Variants in DNAJC11 observed in about 807,000 individuals in gnomAD.
DNAJC11 encodes DnaJ heat shock protein family (Hsp40) member C11, also known as dnaJ homolog subfamily C member 11.
DNAJC11 carries 15 observed loss-of-function variants against 78.6 expected under a neutral mutation model. That is an observed-to-expected ratio of 0.19 (90% CI 0.13 to 0.29). The LOEUF (loss-of-function observed/expected upper bound fraction) is 0.29. Ranked by LOEUF, DNAJC11 falls within the 10% of genes least tolerant of loss-of-function variation. DNAJC11 has a pLI of 1.00. For synonymous variants in DNAJC11, 292 were observed against 272.1 expected (o/e 1.07, Z -0.72); for missense variants, 547 against 709.6 (o/e 0.77, Z 2.60).
chr1:6,688,417 C>G (rs940446037), intron 1 of DNAJC11, among the ~76,000 whole-genome samples: 4 of 152,176 alleles, frequency 2.6e-5, no homozygotes, highest in African/African-American at 9.7e-5. Flanking sequence ...TTAGCAAATA[C>G]TTATCCCTTC....
intron 3 of DNAJC11, among the ~76,000 whole-genome samples, chr1:6,672,411 TTTTA>T (rs375870352): frequency 4.6e-5 from 7 of 152,228 alleles, no homozygotes; most frequent in African/African-American, 1.7e-4. Context: ...TTTTCAGGAA[TTTTA>T]GCTGTTTCAT....
intron 7 of DNAJC11, among the ~76,000 whole-genome samples, chr1:6,650,632 G>C (rs1642039988): frequency 6.6e-6 from 1 of 152,132 alleles, no homozygotes. Flanking sequence ...TCACCACTTT[G>C]GGAGGCCGAG....
chr1:6,636,378 GA>G, intron 14 of DNAJC11, 132 bp from the exon 15 acceptor site: 1 of 1,340,406 alleles, frequency 7.5e-7, no homozygotes, highest in Non-Finnish European at 1.0e-6. Context: ...GGGGCATGAA[GA>G]AAAAGAAACA....
intron 3 of DNAJC11, among the ~76,000 whole-genome samples, chr1:6,673,683 G>T (rs1642417298): frequency 6.6e-6 from 1 of 152,112 alleles, no homozygotes; most frequent in Non-Finnish European, 1.5e-5. Context: ...TAAACCTAGG[G>T]TTCAGATTTC....
At chr1:6,662,041 T>A (rs1425879674) in intron 4 of DNAJC11, among the ~76,000 whole-genome samples, 1 of 151,666 alleles carries the variant, frequency 6.6e-6, no homozygotes, top group Non-Finnish European at 1.5e-5. Context: ...AACCTCCACC[T>A]CCAGGGCTCA....
At chr1:6,681,191 A>G (rs138818985) in intron 1 of DNAJC11, among the ~76,000 whole-genome samples, 154 bp from the exon 2 acceptor site, 89 of 152,324 alleles carry the variant, frequency 5.8e-4, no homozygotes, top group Middle Eastern at 3.4e-3. Flanking sequence ...TCACCTCAAC[A>G]AGGCTTCTTT....
chr1:6,635,708 G>A lies in DNAJC11; in HGVS notation c.1655-8C>T, dbSNP rs369679395. ...CTGTATCGATCCTGTGGGCTGTAAAGGAAAAGACAGACGCAGGTGATCAGA... is the reference window on the plus strand; with the variant it reads ...CTGTATCGATCCTGTGGGCTGTAAAAGAAAAGACAGACGCAGGTGATCAGA... On this transcript the variant is annotated splice_region_variant and splice_polypyrimidine_tract_variant and intron_variant, in intron 15 of 15. Coordinates refer to ENST00000377577, the MANE Select transcript of DNAJC11 (RefSeq NM_018198.4). 8.1e-6 allele frequency: 13 copies of A among 1,614,048 alleles called. No individual in the cohort carries two copies. The African/African-American group carries it at 1.6e-4, about 20-fold the overall frequency.
At position 6,635,068 on chromosome 1, in the gene DNAJC11, G is replaced by A. The variant is rs1047100207; in HGVS notation, c.*607C>T. 1.2e-4 allele frequency: 27 copies of A among 232,266 alleles called. 1 individual carries two copies. In the Admixed American group the frequency reaches 1.2e-3, roughly 11 times the overall value. The allele number at this position is 232,266 out of a possible 1,614,324, so 14.4% of individuals were successfully genotyped here. On this transcript the variant is annotated 3_prime_UTR_variant, in exon 16 of 16. Coordinates refer to ENST00000377577, the MANE Select transcript of DNAJC11 (RefSeq NM_018198.4). Reference sequence around the variant, plus strand: ...CGAGGGGGCCGGTGGAATGACTTGAGCAGCTCTGGGAGTGGGGAAAAAAGA... The same window carrying A: ...CGAGGGGGCCGGTGGAATGACTTGAACAGCTCTGGGAGTGGGGAAAAAAGA...
intron 1 of DNAJC11, among the ~76,000 whole-genome samples, chr1:6,697,809 AT>A (rs60554870): frequency 1.8e-4 from 26 of 148,562 alleles, no homozygotes; most frequent in South Asian, 6.4e-4. Flanking sequence ...TATGCTTATA[AT>A]TTTTTTTTTT....
chr1:6,668,786 A>G (rs770806608), intron 3 of DNAJC11, among the ~76,000 whole-genome samples: 2 of 152,018 alleles, frequency 1.3e-5, no homozygotes, highest in Non-Finnish European at 2.9e-5. Flanking sequence ...CAGTATATGA[A>G]CCTTAGAATG....
chr1:6,668,459 A>C (rs1642326318), intron 3 of DNAJC11, among the ~76,000 whole-genome samples: 1 of 151,982 alleles, frequency 6.6e-6, no homozygotes, highest in South Asian at 2.1e-4. Flanking sequence ...TCATAGTGTA[A>C]ATTTCCTAAT....
chr1:6,656,100 T>TAAA (rs749444041), intron 4 of DNAJC11, among the ~76,000 whole-genome samples: 15,336 of 88,400 alleles, frequency 0.17, 1,650 homozygotes, highest in Admixed American at 0.28. Context: ...AGACTCCGTC[T>TAAA]AAAAAAAAAA....
rs1193691034 is a variant in DNAJC11, at chr1:6,637,336, G to A, written c.1386C>T (p.Leu462=). The change falls in exon 14 of 16, where the codon CTC becomes CTT. Residue 462 remains leucine, a synonymous_variant. Transcript: ENST00000377577. ...IIEAEESRMG[L]IIVNAWYGKF... is the part of the protein sequence containing the mutation. Reference sequence around the variant, plus strand: ...TCCCGTACCAGGCATTGACGATGATGAGGCCTAAGGACAGACTCCGAGTAG... The same window carrying A: ...TCCCGTACCAGGCATTGACGATGATAAGGCCTAAGGACAGACTCCGAGTAG... The A allele has an allele frequency of 6.2e-7, 1 of 1,614,208 alleles. No individual in the cohort carries two copies. The highest frequency in any genetic ancestry group is 8.5e-7 in the Non-Finnish European group (1 of 1,180,044).
chr1:6,662,595 G>A (rs949248528), intron 4 of DNAJC11, among the ~76,000 whole-genome samples: 6 of 152,062 alleles, frequency 3.9e-5, no homozygotes, highest in Non-Finnish European at 8.8e-5. Context: ...GGTTGTAAAT[G>A]TACCAATCAG....
In DNAJC11 at chr1:6,653,472, T is replaced by C. The variant is rs976750639; in HGVS notation, c.507+439A>G. Among the ~76,000 whole-genome samples, 2 of 152,202 alleles carry C rather than the reference T, an allele frequency of 1.3e-5. No individual in the cohort carries two copies. Among genetic ancestry groups the C allele is most frequent in the African/African-American group, 4.8e-5 (2 of 41,450 alleles). On this transcript the variant is annotated intron_variant, in intron 5 of 15. Transcript: ENST00000377577. The surrounding 1 kb of genome is among the most constrained non-coding windows in gnomAD (Gnocchi z 4.5). ...AGGAGAATGACCTGACCTCGTCACA[T>C]CCAAATAGTGGGCAGAATGGTGACA...
At chr1:6,665,603 T>C (rs190257096) in intron 4 of DNAJC11, among the ~76,000 whole-genome samples, 29 of 152,312 alleles carry the variant, frequency 1.9e-4, no homozygotes, top group Non-Finnish European at 2.6e-4. Context: ...ATTTTAAAAA[T>C]CACTTGCATG....
chr1:6,698,033 G>A (rs1159721274), intron 1 of DNAJC11, among the ~76,000 whole-genome samples: 8 of 152,072 alleles, frequency 5.3e-5, no homozygotes, highest in African/African-American at 2.4e-5. Flanking sequence ...CTCGTGATCC[G>A]CCCGTCTTGG....
chr1:6,694,526 G>A (rs1254665255), intron 1 of DNAJC11, among the ~76,000 whole-genome samples: 2 of 152,118 alleles, frequency 1.3e-5, no homozygotes, highest in Admixed American at 1.3e-4. Flanking sequence ...GCTGACTTCA[G>A]AGTAAATTCA....
rs1641713818 is a variant in DNAJC11 at position 6,634,408 on chromosome 1, G to A, written c.*1267C>T. 1 of 1,232,228 alleles carries A rather than the reference G, an allele frequency of 8.1e-7. No individual in the cohort carries two copies. The highest frequency in any genetic ancestry group is 1.4e-5 in the South Asian group (1 of 69,300). 76.3% of individuals were successfully genotyped at this position (1,232,228 alleles called of 1,614,324 possible). A position where few individuals can be genotyped will look rare whatever the true frequency, so the allele number is the denominator to read the frequency against. On this transcript the variant is annotated 3_prime_UTR_variant, in exon 16 of 16. Coordinates refer to ENST00000377577, the MANE Select transcript of DNAJC11 (RefSeq NM_018198.4). ...ACCCGAACTGCTTTTCAAAACCAGAGGAAGGAGGTTCTTAGCCGTTACTCA... is the reference window on the plus strand; with the variant it reads ...ACCCGAACTGCTTTTCAAAACCAGAAGAAGGAGGTTCTTAGCCGTTACTCA...
Sources: gnomAD v4.1 joint callset for allele counts (sites outside exome capture counted in the v4.1 genomes callset) on GRCh38, gnomAD v4.1.1 for gene constraint, Gnocchi (gnomAD v3.1) non-coding constraint, MANE v1.5 for transcripts, NCBI Gene and HGNC (gene_info 2026-07-23, HGNC 2026-07-21) for gene names.